Variants in RABGAP1L observed in about 807,000 individuals in gnomAD.
RABGAP1L encodes RAB GTPase activating protein 1 like, also known as rab GTPase-activating protein 1-like.
In RABGAP1L, 63 loss-of-function variants were observed where a neutral mutation model predicts 137.7. The observed-to-expected ratio is 0.46, with a 90% CI of 0.37 to 0.56. The LOEUF is 0.56. Ranked by LOEUF, RABGAP1L falls within the 20% of genes least tolerant of loss-of-function variation. The probability of loss-of-function intolerance (pLI) is 0.00; values close to 1 mark genes in which losing one functional copy is unlikely to be tolerated. For missense variants in RABGAP1L, 1,095 were observed against 1,244.0 expected, an observed-to-expected ratio of 0.88 and a Z score of 1.80; for synonymous variants, 431 against 433.7, an observed-to-expected ratio of 0.99 and a Z score of 0.08.
chr1:174,620,612 A>C (rs915675865), intron 13 of RABGAP1L, among the ~76,000 whole-genome samples: 1 of 152,184 alleles, frequency 6.6e-6, no homozygotes, highest in African/African-American at 2.4e-5. Context: ...ACGTACCAGA[A>C]TCTCTGGGAC....
At chr1:174,426,617 A>G (rs1651993968) in intron 13 of RABGAP1L, among the ~76,000 whole-genome samples, 1 of 152,078 alleles carries the variant, frequency 6.6e-6, no homozygotes, top group Non-Finnish European at 1.5e-5. Flanking sequence ...TCTTATAAGC[A>G]ACATCAGAAT....
At chr1:174,785,779 G>A (rs1687407627) in intron 18 of RABGAP1L, among the ~76,000 whole-genome samples, 1 of 152,182 alleles carries the variant, frequency 6.6e-6, no homozygotes, top group Non-Finnish European at 1.5e-5. Context: ...AAGCCCTACA[G>A]TGGTGACAGC....
rs576764240 is a variant in RABGAP1L at position 174,628,048 on chromosome 1, C to G, written c.1711-9327C>G. Among the ~76,000 whole-genome samples, 36 of 152,258 alleles carry G rather than the reference C, an allele frequency of 2.4e-4. No homozygotes were observed. The South Asian group carries it at 7.5e-3, about 32-fold the overall frequency. Reference sequence around the variant, plus strand: ...TGGCAAATTTAGATTCTACTGTACCCTGTCCTTCCTATCCTTCTTCTGGAC... The same window carrying G: ...TGGCAAATTTAGATTCTACTGTACCGTGTCCTTCCTATCCTTCTTCTGGAC... On this transcript the variant is annotated intron_variant, in intron 13 of 25. Coordinates refer to ENST00000681986, the MANE Select transcript of RABGAP1L (RefSeq NM_001366446.1).
At chr1:174,160,723 G>GTT (rs1419015136) in intron 1 of RABGAP1L, among the ~76,000 whole-genome samples, 1 of 152,160 alleles carries the variant, frequency 6.6e-6, no homozygotes, top group Admixed American at 6.6e-5. Context: ...ATAGTGGGAG[G>GTT]TAAGTAGTTG....
At chr1:174,855,765 T>TTG (rs1649189252) in intron 19 of RABGAP1L, among the ~76,000 whole-genome samples, 1 of 152,184 alleles carries the variant, frequency 6.6e-6, no homozygotes, top group South Asian at 2.1e-4. Context: ...AAAGGTATTT[T>TTG]TGTGTGTGTG....
intron 13 of RABGAP1L, among the ~76,000 whole-genome samples, chr1:174,570,048 A>T (rs1277146803): frequency 6.6e-6 from 1 of 152,204 alleles, no homozygotes; most frequent in Non-Finnish European, 1.5e-5. Context: ...GATATAAGGT[A>T]AGTGTGCTTT....
intron 12 of RABGAP1L, among the ~76,000 whole-genome samples, chr1:174,384,164 C>A (rs1207531343): frequency 6.6e-6 from 1 of 152,114 alleles, no homozygotes; most frequent in South Asian, 2.1e-4. Context: ...GTGACCTATG[C>A]CAAAGTCAAG....
At chr1:174,826,271 G>T (rs1011949040) in intron 19 of RABGAP1L, among the ~76,000 whole-genome samples, 1 of 152,016 alleles carries the variant, frequency 6.6e-6, no homozygotes, top group Non-Finnish European at 1.5e-5. Context: ...CACTCTCATT[G>T]CCCAGGCTGG....
At chr1:174,857,027 C>T (rs1384686683) in intron 19 of RABGAP1L, among the ~76,000 whole-genome samples, 1 of 152,122 alleles carries the variant, frequency 6.6e-6, no homozygotes, top group East Asian at 1.9e-4. Flanking sequence ...TCAGTACATC[C>T]TTCTTCCCAC....
At chr1:174,342,109 A>G (rs1682024754) in intron 11 of RABGAP1L, among the ~76,000 whole-genome samples, 1 of 152,096 alleles carries the variant, frequency 6.6e-6, no homozygotes, top group Non-Finnish European at 1.5e-5. Flanking sequence ...TAAAAGAGGG[A>G]GGTAAGAATG....
intron 19 of RABGAP1L, among the ~76,000 whole-genome samples, chr1:174,865,577 GAT>G (rs1024653167): frequency 2.1e-5 from 2 of 94,718 alleles, no homozygotes; most frequent in South Asian, 3.0e-4. Context: ...AGATATCAGA[GAT>G]TTTTTTTTGT....
chr1:174,199,950 G>A (rs1667983844), intron 1 of RABGAP1L, among the ~76,000 whole-genome samples: 1 of 152,180 alleles, frequency 6.6e-6, no homozygotes, highest in South Asian at 2.1e-4. Flanking sequence ...TTACTCATAG[G>A]AAACAAATAT....
At chr1:174,169,694 T>G (rs1330929661) in intron 1 of RABGAP1L, among the ~76,000 whole-genome samples, 1 of 152,106 alleles carries the variant, frequency 6.6e-6, no homozygotes, top group African/African-American at 2.4e-5. Context: ...ATTTTTCCTT[T>G]TTTTCATGTT....
chr1:174,625,504 G>C (rs1031076328), intron 13 of RABGAP1L, among the ~76,000 whole-genome samples: 8 of 152,136 alleles, frequency 5.3e-5, no homozygotes, highest in African/African-American at 1.9e-4. Flanking sequence ...CATGATCTCA[G>C]ATCACTGGAG....
chr1:174,750,865 A>C (rs1461577456), intron 17 of RABGAP1L, among the ~76,000 whole-genome samples: 2 of 152,212 alleles, frequency 1.3e-5, no homozygotes, highest in African/African-American at 4.8e-5. Context: ...GTTGGAGAAC[A>C]GGGCAGTAGG....
chr1:174,685,855 C>A (rs945557923), intron 15 of RABGAP1L, among the ~76,000 whole-genome samples: 12 of 152,156 alleles, frequency 7.9e-5, no homozygotes, highest in African/African-American at 2.9e-4. Context: ...GCCGCTGTGC[C>A]CGTCTGATGA....
intron 17 of RABGAP1L, among the ~76,000 whole-genome samples, chr1:174,716,213 C>T (rs1010028949): frequency 1.1e-4 from 17 of 152,170 alleles, no homozygotes; most frequent in African/African-American, 3.1e-4. Flanking sequence ...CAGAATCCAC[C>T]GATAGGGAGG....
intron 19 of RABGAP1L, among the ~76,000 whole-genome samples, chr1:174,953,035 C>CAAAAAAAAAAAAAAA (rs34788853): frequency 3.1e-5 from 3 of 97,362 alleles, no homozygotes; most frequent in Non-Finnish European, 4.3e-5. Flanking sequence ...GGGTGGCATG[C>CAAAAAAAAAAAAAAA]AAAAAAAAAA....
intron 18 of RABGAP1L, among the ~76,000 whole-genome samples, chr1:174,804,027 G>A (rs978695676): frequency 4.0e-5 from 6 of 151,864 alleles, no homozygotes; most frequent in Admixed American, 2.6e-4. Flanking sequence ...CTGCACTCCA[G>A]CCTAGGTGAC....
Sources: gnomAD v4.1 joint callset for allele counts (sites outside exome capture counted in the v4.1 genomes callset) on GRCh38, gnomAD v4.1.1 for gene constraint, MANE v1.5 for transcripts, NCBI Gene and HGNC (gene_info 2026-07-23, HGNC 2026-07-21) for gene names.